The following RCN2 variants were observed in gnomAD, a reference collection of about 807,000 sequenced individuals.
RCN2 encodes the protein reticulocalbin-2.
A neutral mutation model predicts 37.5 loss-of-function variants in RCN2; 23 were observed. The observed-to-expected ratio is 0.61, with a 90% confidence interval of 0.44 to 0.87. The LOEUF is 0.87. RCN2 is among the 40% of genes least tolerant of loss of function. The probability of loss-of-function intolerance (pLI) is 0.00; values close to 1 mark genes in which losing one functional copy is unlikely to be tolerated. For synonymous variants in RCN2, 140 were observed against 144.6 expected (o/e 0.97, Z 0.23); for missense variants, 381 against 390.4 (o/e 0.98, Z 0.20).
chr15:76,941,595 G>T, intron 3 of RCN2: 1 of 1,135,430 alleles, frequency 8.8e-7, no homozygotes, highest in Non-Finnish European at 1.2e-6. Context: ...AAAGAGTGTT[G>T]AAGTTTTATG....
At chr15:76,945,130 T>C (rs1194265616) in intron 4 of RCN2, among the ~76,000 whole-genome samples, 1 of 152,232 alleles carries the variant, frequency 6.6e-6, no homozygotes, top group African/African-American at 2.4e-5. Flanking sequence ...TTTCTTGTGG[T>C]GACGAAGTTG....
intron 1 of RCN2, 149 bp from the exon 2 acceptor site, chr15:76,932,212 G>A: frequency 1.4e-6 from 1 of 732,810 alleles, no homozygotes; most frequent in South Asian, 1.7e-5. Context: ...ATCATGGAGG[G>A]TGTGTAGGGG....
chr15:76,945,373 G>T (rs936611091), intron 4 of RCN2, among the ~76,000 whole-genome samples: 1 of 152,070 alleles, frequency 6.6e-6, no homozygotes, highest in African/African-American at 2.4e-5. Flanking sequence ...ATCATGTTTG[G>T]ATTCTTCATA....
chr15:76,943,943 T>C, intron 4 of RCN2, 72 bp downstream of exon 4: 2 of 754,668 alleles, frequency 2.7e-6, no homozygotes, highest in Non-Finnish European at 4.4e-6. Context: ...AAAATTTTTG[T>C]GGGTACATAG....
intron 4 of RCN2, among the ~76,000 whole-genome samples, chr15:76,944,554 T>C (rs2075289638): frequency 6.6e-6 from 1 of 152,180 alleles, no homozygotes; most frequent in Non-Finnish European, 1.5e-5. Flanking sequence ...AACCATCTTC[T>C]ACCGTCTATG....
At chr15:76,944,045 T>G (rs1001987737) in intron 4 of RCN2, among the ~76,000 whole-genome samples, 174 bp downstream of exon 4, 2 of 130,642 alleles carry the variant, frequency 1.5e-5, no homozygotes, top group African/African-American at 5.9e-5. Flanking sequence ...CAGGCTGGAG[T>G]GCAGTGGGGC....
rs1168558598 is a variant in RCN2 at position 76,953,700 on chromosome 15, C to T, written c.*4478C>T. ...TCGGCTCACTGCAGGCTCCGCCTCC[C>T]GGGTTCACACCATTCTCCTGCCTCA... On this transcript the variant is annotated 3_prime_UTR_variant, in exon 7 of 7. Transcript: ENST00000394885. 1 of 144,412 alleles carries T rather than the reference C, an allele frequency of 6.9e-6. No homozygotes were observed. The highest frequency in any genetic ancestry group is 2.6e-5 in the African/African-American group (1 of 38,888). The allele number at this position is 144,412 out of a possible 1,614,324, so 8.9% of individuals were successfully genotyped here. A position where few individuals can be genotyped will look rare whatever the true frequency, so the allele number is the denominator to read the frequency against.
chr15:76,943,803 T>A lies in RCN2; in HGVS notation c.493T>A (p.Ser165Thr). ...GCGATTTGAAAAAGCTAACCAGGAT[T>A]CAGGTCCCGGTTTGAGTCTTGAAGA... is the stretch of plus-strand genomic sequence containing the variant. ...KKRFEKANQD[S>T]GPGLSLEEFI... The change falls in exon 4 of 7, where the codon TCA (serine) becomes ACA (threonine). Residue 165 changes from serine to threonine, a missense_variant. Transcript: ENST00000394885. The A allele has an allele frequency of 6.2e-7, 1 of 1,608,688 alleles. No individual in the cohort carries two copies. Among genetic ancestry groups the A allele is most frequent in the South Asian group, 1.1e-5 (1 of 90,522 alleles).
intron 4 of RCN2, among the ~76,000 whole-genome samples, chr15:76,945,437 G>A (rs2075292840): frequency 6.6e-6 from 1 of 152,162 alleles, no homozygotes; most frequent in African/African-American, 2.4e-5. Flanking sequence ...GCAATTTTAA[G>A]TATAATGAGT....
chr15:76,938,462 A>T lies in RCN2; in HGVS notation c.447+2740A>T, dbSNP rs1184416693. Among the ~76,000 whole-genome samples, 3 of 152,234 alleles carry T rather than the reference A, an allele frequency of 2.0e-5. No individual in the cohort carries two copies. The East Asian group carries it at 5.8e-4, about 29-fold the overall frequency. On this transcript the variant is annotated intron_variant, in intron 3 of 6. Transcript: ENST00000394885. Reference sequence around the variant, plus strand: ...ACCAATTTCTCACAAATATGGAGGGAGGAGTGCATAACAAATTTACTATTG... The same window carrying T: ...ACCAATTTCTCACAAATATGGAGGGTGGAGTGCATAACAAATTTACTATTG...
chr15:76,937,604 T>C (rs2075257757), intron 3 of RCN2, among the ~76,000 whole-genome samples: 3 of 151,948 alleles, frequency 2.0e-5, no homozygotes, highest in Admixed American at 2.0e-4. Context: ...GATGGGGTTT[T>C]ACCATCTTGC....
Position 76,953,553 on chromosome 15 carries a change from T to C in RCN2, c.*4331T>C. 1.3e-5 allele frequency: 1 copy of C among 77,530 alleles called. No homozygotes were observed. Among genetic ancestry groups the C allele is most frequent in the South Asian group, 6.2e-4 (1 of 1,620 alleles). 4.8% of individuals were successfully genotyped at this position (77,530 alleles called of 1,614,324 possible). On this transcript the variant is annotated 3_prime_UTR_variant, in exon 7 of 7. Coordinates refer to ENST00000394885, the MANE Select transcript of RCN2 (RefSeq NM_002902.3). Reference sequence around the variant, plus strand: ...GTGGGATTGCTGGATCATATAGTAATTCTATATATATATATATATATATAT... The same window carrying C: ...GTGGGATTGCTGGATCATATAGTAACTCTATATATATATATATATATATAT...
In RCN2 at chr15:76,951,604, CA is replaced by C. The variant is rs764322416; in HGVS notation, c.*2383del. On this transcript the variant is annotated 3_prime_UTR_variant, in exon 7 of 7. Coordinates refer to ENST00000394885, the MANE Select transcript of RCN2 (RefSeq NM_002902.3). ...AGAGAAAAAGAATCATCTGCTTGAA[CA>C]GAGATGCTATATCTACTGCTGAGTC... The C allele has an allele frequency of 1.6e-4, 25 of 152,276 alleles. No homozygotes were observed. The highest frequency in any genetic ancestry group is 1.3e-4 in the Admixed American group (2 of 15,286). The allele number at this position is 152,276 out of a possible 1,614,324, so 9.4% of individuals were successfully genotyped here.
chr15:76,939,231 AAAATAAATAAATAAAT>A (rs147122407), intron 3 of RCN2, among the ~76,000 whole-genome samples: 5,601 of 144,608 alleles, frequency 0.039, 347 homozygotes, highest in African/African-American at 0.13. Context: ...CTCATTTCTA[AAAATAAATAAATAAAT>A]AAATAAATAA....
At position 76,953,595 on chromosome 15, in the gene RCN2, T is replaced by G. The variant is rs11639069; in HGVS notation, c.*4373T>G. ...TATATATATATATATATATATATAT[T>G]TTTTTTTTTTTTTTTTTTTTTTTTT... is the stretch of plus-strand genomic sequence containing the variant. On this transcript the variant is annotated 3_prime_UTR_variant, in exon 7 of 7. Coordinates refer to ENST00000394885, the MANE Select transcript of RCN2 (RefSeq NM_002902.3). 9.1e-5 allele frequency: 2 copies of G among 22,034 alleles called. No homozygotes were observed. Among genetic ancestry groups the G allele is most frequent in the East Asian group, 2.0e-3 (1 of 502 alleles). The allele number at this position is 22,034 out of a possible 1,614,324, so 1.4% of individuals were successfully genotyped here. A position where few individuals can be genotyped will look rare whatever the true frequency, so the allele number is the denominator to read the frequency against.
chr15:76,951,267 A>G lies in RCN2; in HGVS notation c.*2045A>G, dbSNP rs1940076407. 1.3e-5 allele frequency: 2 copies of G among 152,244 alleles called. No homozygotes were observed. The highest frequency in any genetic ancestry group is 2.1e-4 in the South Asian group (1 of 4,832). The allele number at this position is 152,244 out of a possible 1,614,324, so 9.4% of individuals were successfully genotyped here. On this transcript the variant is annotated 3_prime_UTR_variant, in exon 7 of 7. Coordinates refer to ENST00000394885, the MANE Select transcript of RCN2 (RefSeq NM_002902.3). ...AGGTAGGCGATGGCTAGTTCTGACC[A>G]GTTAAACATGGGTGGAAGTAGTGTG...
rs1037860818 is a variant in RCN2 at position 76,951,976 on chromosome 15, A to G, written c.*2754A>G. ...CAGGACGTTCAGAGGAAAAGCTAGC[A>G]TATCATGTTTGCCTTACTTAGTTCT... On this transcript the variant is annotated 3_prime_UTR_variant, in exon 7 of 7. Transcript: ENST00000394885. 6.6e-6 allele frequency: 1 copy of G among 151,996 alleles called. No homozygotes were observed. The highest frequency in any genetic ancestry group is 1.9e-4 in the East Asian group (1 of 5,186). 9.4% of individuals were successfully genotyped at this position (151,996 alleles called of 1,614,324 possible).
chr15:76,953,591 A>ATATATT lies in RCN2; in HGVS notation c.*4372_*4373insATTTAT, dbSNP rs2075333586. On this transcript the variant is annotated 3_prime_UTR_variant, in exon 7 of 7. Coordinates refer to ENST00000394885, the MANE Select transcript of RCN2 (RefSeq NM_002902.3). ...TATATATATATATATATATATATATATATTTTTTTTTTTTTTTTTTTTTTT... is the reference window on the plus strand; with the variant it reads ...TATATATATATATATATATATATATATATATTTATTTTTTTTTTTTTTTTTTTTTTT... 8.1e-5 allele frequency: 1 copy of ATATATT among 12,378 alleles called. No individual in the cohort carries two copies. The highest frequency in any genetic ancestry group is 1.5e-4 in the Non-Finnish European group (1 of 6,720). 0.8% of individuals were successfully genotyped at this position (12,378 alleles called of 1,614,324 possible). A position where few individuals can be genotyped will look rare whatever the true frequency, so the allele number is the denominator to read the frequency against.
At position 76,948,424 on chromosome 15, in the gene RCN2, C is replaced by G. The variant is rs771290377; in HGVS notation, c.673C>G (p.Pro225Ala). The G allele has an allele frequency of 7.5e-6, 12 of 1,598,774 alleles. No individual in the cohort carries two copies. The highest frequency in any genetic ancestry group is 1.0e-5 in the Non-Finnish European group (12 of 1,171,318). ...YRWDPTANED[P>A]EWILVEKDRF... ...TTTATATTAAGCTGCAAATGAAGAT[C>G]CAGAATGGATACTTGTTGAGAAAGA... The change falls in exon 6 of 7, where the codon CCA (proline) becomes GCA (alanine). Residue 225 changes from proline to alanine, a missense_variant. Coordinates refer to ENST00000394885, the MANE Select transcript of RCN2 (RefSeq NM_002902.3).
Sources: allele counts gnomAD v4.1 joint callset (sites outside exome capture counted in the v4.1 genomes callset), GRCh38; gene constraint gnomAD v4.1.1; transcripts MANE v1.5; gene names NCBI Gene and HGNC (gene_info 2026-07-23, HGNC 2026-07-21).